CLGN: variants seen among roughly 807,000 people sequenced by gnomAD.
The protein encoded by CLGN is calmegin, also known as testis tissue sperm-binding protein Li 79P.
Under a neutral mutation model 79.1 loss-of-function variants are expected in CLGN, and 62 were observed. The ratio of observed to expected loss-of-function variants is 0.78; its 90% CI spans 0.64 to 0.97. The LOEUF (loss-of-function observed/expected upper bound fraction) is 0.97. CLGN is among the 50% of genes least tolerant of loss of function. CLGN has a pLI of 0.00. For missense variants in CLGN, 647 were observed against 715.5 expected (o/e 0.90, Z 1.09); for synonymous variants, 225 against 224.7 (o/e 1.00, Z -0.01).
chr4:140,422,004 G>T (rs966424519), intron 1 of CLGN, among the ~76,000 whole-genome samples: 4 of 152,098 alleles, frequency 2.6e-5, no homozygotes, highest in African/African-American at 9.7e-5. Flanking sequence ...CATGTGGATA[G>T]CCAGTTTCCC....
chr4:140,392,170 T>G, intron 13 of CLGN, 49 bp downstream of exon 13: 1 of 1,589,598 alleles, frequency 6.3e-7, no homozygotes, highest in Non-Finnish European at 8.6e-7. Context: ...TATACAGTTT[T>G]ATGAGCTTTA....
At chr4:140,405,271 G>A (rs1372912581) in intron 5 of CLGN, among the ~76,000 whole-genome samples, 1 of 142,012 alleles carries the variant, frequency 7.0e-6, no homozygotes, top group African/African-American at 2.6e-5. Context: ...TGCAAGCTCC[G>A]CCTCCCGGGT....
chr4:140,423,023 C>A (rs755946415), intron 1 of CLGN, among the ~76,000 whole-genome samples: 3 of 152,122 alleles, frequency 2.0e-5, no homozygotes, highest in Admixed American at 6.5e-5. Flanking sequence ...TTACTTCTTC[C>A]TTTTCAATTT....
At chr4:140,405,223 C>T (rs1183428992) in intron 5 of CLGN, among the ~76,000 whole-genome samples, 7 of 126,268 alleles carry the variant, frequency 5.5e-5, no homozygotes, top group South Asian at 4.7e-4. Context: ...CTCGCTCTGT[C>T]GCCCAGGCTG....
chr4:140,406,653 A>C (rs1560743941), intron 4 of CLGN, among the ~76,000 whole-genome samples: 1 of 152,218 alleles, frequency 6.6e-6, no homozygotes. Context: ...GGAAGGCAGC[A>C]AAGCACTGCA....
chr4:140,406,707 CTG>C (rs1729114933), intron 4 of CLGN, among the ~76,000 whole-genome samples: 1 of 152,208 alleles, frequency 6.6e-6, no homozygotes, highest in Non-Finnish European at 1.5e-5. Context: ...TAGGCCTTCT[CTG>C]TGTTACAATT....
intron 4 of CLGN, among the ~76,000 whole-genome samples, chr4:140,406,449 C>G (rs956045152): frequency 6.6e-6 from 1 of 152,106 alleles, no homozygotes; most frequent in Non-Finnish European, 1.5e-5. Context: ...TTCAAAATGA[C>G]ATATTTGAAA....
chr4:140,401,417 C>A (rs955203251), intron 6 of CLGN, among the ~76,000 whole-genome samples: 2 of 152,084 alleles, frequency 1.3e-5, no homozygotes, highest in East Asian at 1.9e-4. Flanking sequence ...GAAAAATATA[C>A]CCCTGATGTC....
Position 140,396,157 on chromosome 4 carries a change from A to G in CLGN, c.933T>C (p.Pro311=). 2 of 1,614,216 alleles carry G rather than the reference A, an allele frequency of 1.2e-6. No homozygotes were observed. The highest frequency in any genetic ancestry group is 1.7e-6 in the Non-Finnish European group (2 of 1,180,032). The stretch of plus-strand genomic sequence containing the variant: ...TTGGTTCATCATCAAGCCAGCCAGC[A>G]GGTTTAACAACACTTGAATCTTCTA... The part of the protein sequence containing the change: ...AQIEDSSVVK[P]AGWLDDEPKF... Residue 311 remains proline (P), a synonymous_variant, in exon 9 of 15, where the codon CCT becomes CCC. Coordinates refer to ENST00000325617, the MANE Select transcript of CLGN (RefSeq NM_004362.3).
chr4:140,411,855 A>C (rs1220489280), intron 2 of CLGN, among the ~76,000 whole-genome samples: 3 of 152,072 alleles, frequency 2.0e-5, no homozygotes, highest in African/African-American at 4.8e-5. Flanking sequence ...GCCACCCCTA[A>C]AATCAGTTTA....
At chr4:140,402,628 G>A (rs1268072271) in intron 5 of CLGN, among the ~76,000 whole-genome samples, 1 of 152,072 alleles carries the variant, frequency 6.6e-6, no homozygotes, top group Non-Finnish European at 1.5e-5. Context: ...GGAGATATGG[G>A]AAATTTTCAC....
chr4:140,389,197 CG>C lies in CLGN; in HGVS notation c.*26del. 1 of 1,579,566 alleles carries C rather than the reference CG, an allele frequency of 6.3e-7. No individual in the cohort carries two copies. The highest frequency in any genetic ancestry group is 2.2e-5 in the East Asian group (1 of 44,642). On this transcript the variant is annotated 3_prime_UTR_variant, in exon 15 of 15. Transcript: ENST00000325617. The stretch of plus-strand genomic sequence containing the variant: ...TTTTTACAATGCCAAACATCCCTCT[CG>C]GGAATTAAAAATATTTCAATCTAGT...
At chr4:140,392,777 T>G (rs1728800074) in intron 11 of CLGN, 66 bp from the exon 12 acceptor site, 6 of 1,430,624 alleles carry the variant, frequency 4.2e-6, no homozygotes, top group South Asian at 1.6e-5. Flanking sequence ...TAACACAAGA[T>G]ACAAAAAAAC....
intron 1 of CLGN, among the ~76,000 whole-genome samples, chr4:140,415,283 C>T (rs1463995613): frequency 1.3e-5 from 2 of 152,032 alleles, no homozygotes; most frequent in African/African-American, 4.8e-5. Context: ...TAGGAAGAAA[C>T]TGCATCAACT....
At chr4:140,405,191 A>ATTTT (rs35471612) in intron 5 of CLGN, among the ~76,000 whole-genome samples, 1 of 129,064 alleles carries the variant, frequency 7.7e-6, no homozygotes, top group African/African-American at 3.0e-5. Flanking sequence ...TTTTTTTTTT[A>ATTTT]TTTTTTTTTT....
chr4:140,412,399 C>T (rs968944190), intron 2 of CLGN, among the ~76,000 whole-genome samples: 4 of 152,086 alleles, frequency 2.6e-5, no homozygotes, highest in African/African-American at 9.7e-5. Context: ...ACAAAAATCC[C>T]TGCAATTTCT....
At chr4:140,402,148 A>T in intron 5 of CLGN, 82 bp from the exon 6 acceptor site, 1 of 692,954 alleles carries the variant, frequency 1.4e-6, no homozygotes, top group Non-Finnish European at 2.3e-6. Flanking sequence ...ATTATTCTCA[A>T]TTCATGTAAG....
At chr4:140,420,563 A>AAG (rs1462838261) in intron 1 of CLGN, among the ~76,000 whole-genome samples, 1 of 151,842 alleles carries the variant, frequency 6.6e-6, no homozygotes, top group Admixed American at 6.6e-5. Context: ...TTAAAAAAAA[A>AAG]AATCAGAAAT....
Position 140,396,938 on chromosome 4 carries a change from T to TAC in CLGN, c.885-735_885-734dup, listed in dbSNP as rs1387964935. On this transcript the variant is annotated intron_variant, in intron 8 of 14. Transcript: ENST00000325617. ...ATATATATATACACATATATATATA[T>TAC]ACACATAGCTTCATTCTTAACAGTT... Among the ~76,000 whole-genome samples the TAC allele has an allele frequency of 6.3e-5, 9 of 143,726 alleles. No individual in the cohort carries two copies. In the East Asian group the frequency reaches 9.9e-4, roughly 16 times the overall value. 94.3% of individuals were successfully genotyped at this position (143,726 alleles called of 152,430 possible). A position where few individuals can be genotyped will look rare whatever the true frequency, so the allele number is the denominator to read the frequency against.
Sources: gnomAD v4.1 joint callset for allele counts (sites outside exome capture counted in the v4.1 genomes callset) on GRCh38, gnomAD v4.1.1 for gene constraint, MANE v1.5 for transcripts, NCBI Gene and HGNC (gene_info 2026-07-23, HGNC 2026-07-21) for gene names.